The following PRKCI variants were observed in gnomAD, a reference collection of about 807,000 sequenced individuals.
PRKCI encodes the protein protein kinase C iota type.
A neutral mutation model predicts 84.0 loss-of-function variants in PRKCI; 43 were observed. The observed-to-expected ratio is 0.51, with a 90% confidence interval of 0.40 to 0.66. The LOEUF (loss-of-function observed/expected upper bound fraction) is 0.66, where lower values mean the gene tolerates loss of function less well. PRKCI is among the 30% of genes least tolerant of loss of function. PRKCI has a pLI of 0.00. For synonymous variants in PRKCI, 216 were observed against 234.4 expected (o/e 0.92, Z 0.72); for missense variants, 459 against 745.6 (o/e 0.62, Z 4.48).
At chr3:170,269,412 A>G (rs1191889451) in intron 5 of PRKCI, among the ~76,000 whole-genome samples, 1 of 152,204 alleles carries the variant, frequency 6.6e-6, no homozygotes, top group African/African-American at 2.4e-5. Context: ...CTGTAATCCC[A>G]GCAGTTTGGG....
intron 5 of PRKCI, among the ~76,000 whole-genome samples, chr3:170,268,862 G>A (rs930763243): frequency 6.6e-6 from 1 of 152,126 alleles, no homozygotes; most frequent in Non-Finnish European, 1.5e-5. Context: ...TAGAACCAAA[G>A]TTTGAAAGCA....
At chr3:170,265,882 A>G (rs902163270) in intron 4 of PRKCI, among the ~76,000 whole-genome samples, 12 of 152,024 alleles carry the variant, frequency 7.9e-5, no homozygotes, top group African/African-American at 2.4e-4. Context: ...CGGCCTCCCA[A>G]AGTGCTGGGA....
At chr3:170,260,498 G>T (rs1390116656) in intron 3 of PRKCI, among the ~76,000 whole-genome samples, 1 of 152,122 alleles carries the variant, frequency 6.6e-6, no homozygotes, top group African/African-American at 2.4e-5. Flanking sequence ...GTCTCACTCT[G>T]TCACCCAGGT....
intron 2 of PRKCI, among the ~76,000 whole-genome samples, chr3:170,258,521 G>T (rs909588922): frequency 7.2e-5 from 11 of 151,928 alleles, no homozygotes; most frequent in African/African-American, 2.7e-4. Context: ...GGCCAGGCTG[G>T]TCTCGAACTC....
At chr3:170,258,459 C>T (rs1733642734) in intron 2 of PRKCI, among the ~76,000 whole-genome samples, 1 of 151,994 alleles carries the variant, frequency 6.6e-6, no homozygotes, top group Non-Finnish European at 1.5e-5. Context: ...GCACACACCA[C>T]TGTGCCTGGC....
intron 17 of PRKCI, among the ~76,000 whole-genome samples, chr3:170,299,624 A>T (rs940914492): frequency 6.6e-6 from 1 of 152,246 alleles, no homozygotes; most frequent in African/African-American, 2.4e-5. Flanking sequence ...TTTGCTTTAT[A>T]GTGCATTATC....
At chr3:170,287,338 TAGAG>T (rs141517268) in intron 12 of PRKCI, among the ~76,000 whole-genome samples, 11 of 149,234 alleles carry the variant, frequency 7.4e-5, no homozygotes, top group Non-Finnish European at 1.5e-4. Flanking sequence ...TATATATATA[TAGAG>T]AGAGAGAGAG....
intron 4 of PRKCI, among the ~76,000 whole-genome samples, chr3:170,263,798 A>G (rs954298006): frequency 4.6e-5 from 7 of 152,074 alleles, no homozygotes; most frequent in African/African-American, 1.7e-4. Context: ...GCCTTGTCTC[A>G]AGGGGAAAAA....
chr3:170,242,248 T>C (rs1422991272), intron 2 of PRKCI, among the ~76,000 whole-genome samples: 1 of 152,052 alleles, frequency 6.6e-6, no homozygotes, highest in African/African-American at 2.4e-5. Flanking sequence ...CCTATTTAGA[T>C]AGCTGTATTA....
At chr3:170,287,689 C>A (rs568417247) in intron 12 of PRKCI, among the ~76,000 whole-genome samples, 1 of 151,456 alleles carries the variant, frequency 6.6e-6, no homozygotes, top group East Asian at 2.0e-4. Context: ...GCAGGCAGAT[C>A]ACTTGAGGTC....
Position 170,281,185 on chromosome 3 carries a change from C to T in PRKCI, c.902C>T (p.Thr301Ile). Residue 301 changes from threonine (T) to isoleucine (I), a missense_variant, in exon 10 of 18, where the codon ACA becomes ATA. By Grantham distance (89) the Thr-to-Ile change is moderately conservative. Around this residue, in one of 2 missense-constraint regions of PRKCI, gnomAD observed 209 missense variants for 425.9 expected, o/e 0.49. Transcript: ENST00000295797. ...AAATAGGATATTGATTGGGTACAGA[C>T]AGAGAAGCATGTGTTTGAGCAGGCA... ...NDDEDIDWVQ[T>I]EKHVFEQASN... The T allele has an allele frequency of 6.2e-7, 1 of 1,613,274 alleles. No homozygotes were observed. The highest frequency in any genetic ancestry group is 8.5e-7 in the Non-Finnish European group (1 of 1,179,822).
intron 7 of PRKCI, among the ~76,000 whole-genome samples, chr3:170,273,757 G>A (rs1022843750): frequency 1.3e-5 from 2 of 151,278 alleles, no homozygotes; most frequent in Non-Finnish European, 2.9e-5. Flanking sequence ...GGAGGTTGCA[G>A]TGAGCCAAGA....
At chr3:170,279,344 C>T (rs995526950) in intron 8 of PRKCI, among the ~76,000 whole-genome samples, 2 of 152,190 alleles carry the variant, frequency 1.3e-5, no homozygotes, top group African/African-American at 4.8e-5. Flanking sequence ...ATTATTATTT[C>T]TAAGTTTTTA....
intron 12 of PRKCI, among the ~76,000 whole-genome samples, chr3:170,286,669 TC>T (rs1348172790): frequency 6.6e-6 from 1 of 152,024 alleles, no homozygotes; most frequent in African/African-American, 2.4e-5. Flanking sequence ...TGTTCTTTGA[TC>T]CGGTAATTCT....
At chr3:170,230,995 T>C (rs1369788502) in intron 1 of PRKCI, among the ~76,000 whole-genome samples, 29 of 147,798 alleles carry the variant, frequency 2.0e-4, no homozygotes, top group East Asian at 2.0e-4. Context: ...AGCCTTGCAC[T>C]GTCACCCAGG....
chr3:170,291,702 A>G (rs1188535440), intron 12 of PRKCI, 152 bp from the exon 13 acceptor site: 1 of 599,406 alleles, frequency 1.7e-6, no homozygotes, highest in Non-Finnish European at 3.0e-6. Context: ...GTCAAAAATA[A>G]TAATAATAAT....
chr3:170,275,980 C>T (rs1219370516), intron 8 of PRKCI, among the ~76,000 whole-genome samples: 1 of 145,256 alleles, frequency 6.9e-6, no homozygotes. Context: ...GTTGCCCAGG[C>T]TGGAGTGCAG....
At chr3:170,269,840 C>T (rs1354479263) in intron 5 of PRKCI, among the ~76,000 whole-genome samples, 1 of 151,968 alleles carries the variant, frequency 6.6e-6, no homozygotes, top group African/African-American at 2.4e-5. Context: ...TACCTGTAAT[C>T]CCAGCTACTC....
chr3:170,236,850 G>A (rs1330269085), intron 2 of PRKCI, among the ~76,000 whole-genome samples: 1 of 129,048 alleles, frequency 7.7e-6, no homozygotes, highest in Non-Finnish European at 1.6e-5. Context: ...AGCAAGCAAA[G>A]CAAGACCCTG....
Sources: gnomAD v4.1 joint callset for allele counts (sites outside exome capture counted in the v4.1 genomes callset) on GRCh38, gnomAD v4.1.1 for gene constraint, gnomAD v4.1.1 regional missense constraint, MANE v1.5 for transcripts, NCBI Gene and HGNC (gene_info 2026-07-23, HGNC 2026-07-21) for gene names.